TMTC3: variants seen among roughly 807,000 people sequenced by gnomAD.
The protein encoded by TMTC3 is protein O-mannosyl-transferase TMTC3.
A neutral mutation model predicts 92.2 loss-of-function variants in TMTC3; 52 were observed. The observed-to-expected ratio is 0.56, with a 90% confidence interval of 0.45 to 0.71. The LOEUF (loss-of-function observed/expected upper bound fraction) is 0.71, where lower values mean the gene tolerates loss of function less well. TMTC3 is among the 30% of genes least tolerant of loss of function. The probability of loss-of-function intolerance (pLI) is 0.00; values close to 1 mark genes in which losing one functional copy is unlikely to be tolerated. For synonymous variants in TMTC3, 339 were observed against 363.3 expected, an observed-to-expected ratio of 0.93 and a Z score of 0.76; for missense variants, 896 against 1,057.1, an observed-to-expected ratio of 0.85 and a Z score of 2.11.
rs1176757647 is a variant in TMTC3, at chr12:88,195,261, A to G, written c.2357A>G (p.Asp786Gly). 6.2e-7 allele frequency: 1 copy of G among 1,613,894 alleles called. No individual in the cohort carries two copies. The highest frequency in any genetic ancestry group is 8.5e-7 in the Non-Finnish European group (1 of 1,179,914). The change falls in exon 14 of 14, where the codon GAC becomes GGC. Residue 786 changes from aspartate to glycine, a missense_variant. Coordinates refer to ENST00000266712, the MANE Select transcript of TMTC3 (RefSeq NM_181783.4). ...TGTGTTGTTTATTTTGAAGAAAAAG[A>G]CTTATTAAAAGCTGAAAGATGCCTT... ...NLCVVYFEEK[D>G]LLKAERCLLE...
At chr12:88,143,417 C>T (rs932051589) in intron 1 of TMTC3, among the ~76,000 whole-genome samples, 5 of 152,146 alleles carry the variant, frequency 3.3e-5, no homozygotes, top group African/African-American at 1.2e-4. Flanking sequence ...TTCTTCCTTA[C>T]AATCCAGTGA....
intron 12 of TMTC3, among the ~76,000 whole-genome samples, chr12:88,192,014 C>CTTTTTTT (rs375857927): frequency 5.3e-5 from 6 of 112,242 alleles, no homozygotes; most frequent in African/African-American, 1.3e-4. Flanking sequence ...CAGCATTTTT[C>CTTTTTTT]TTTTTTTTTT....
At chr12:88,154,683 G>C (rs2040984592) in intron 4 of TMTC3, among the ~76,000 whole-genome samples, 1 of 152,076 alleles carries the variant, frequency 6.6e-6, no homozygotes, top group African/African-American at 2.4e-5. Flanking sequence ...TCCATCTTCT[G>C]TTATCTATTA....
chr12:88,172,375 CT>C (rs1352016348), intron 7 of TMTC3, among the ~76,000 whole-genome samples: 1 of 151,760 alleles, frequency 6.6e-6, no homozygotes, highest in Non-Finnish European at 1.5e-5. Flanking sequence ...TCCATTTCAC[CT>C]TGCTTACGTA....
chr12:88,197,018 G>C lies in TMTC3; in HGVS notation c.*1369G>C, dbSNP rs1004080259. 3 of 151,976 alleles carry C rather than the reference G, an allele frequency of 2.0e-5. No individual in the cohort carries two copies. Among genetic ancestry groups the C allele is most frequent in the Non-Finnish European group, 4.4e-5 (3 of 67,742 alleles). The allele number at this position is 151,976 out of a possible 1,614,324, so 9.4% of individuals were successfully genotyped here. On this transcript the variant is annotated 3_prime_UTR_variant, in exon 14 of 14. Transcript: ENST00000266712. ...AATGAGCTTTATAATACCTTAAAAAGTTGGTTCTAATTTAAAATATGAAAG... is the reference window on the plus strand; with the variant it reads ...AATGAGCTTTATAATACCTTAAAAACTTGGTTCTAATTTAAAATATGAAAG...
rs2041496170 is a variant in TMTC3, at chr12:88,195,224, A to G, written c.2320A>G (p.Lys774Glu). Residue 774 changes from lysine to glutamate, a missense_variant, in exon 14 of 14, where the codon AAA becomes GAA. Physicochemically the swap from Lys to Glu is moderately conservative, Grantham distance 56. Transcript: ENST00000266712. ...LEMDPSNVQG[K>E]HNLCVVYFEE... ...GATGGATCCAAGCAATGTGCAAGGA[A>G]AACACAATCTTTGTGTTGTTTATTT... The G allele has an allele frequency of 1.2e-6, 2 of 1,613,910 alleles. No homozygotes were observed. Among genetic ancestry groups the G allele is most frequent in the African/African-American group, 1.3e-5 (1 of 75,066 alleles).
At chr12:88,164,189 CAAAAAAAAAAAA>C (rs1008391943) in intron 6 of TMTC3, among the ~76,000 whole-genome samples, 2 of 48,796 alleles carry the variant, frequency 4.1e-5, no homozygotes. Context: ...GACTTTGTCT[CAAAAAAAAAAAA>C]AAAAAAAAAA....
chr12:88,153,607 A>G, intron 3 of TMTC3, 98 bp downstream of exon 3: 1 of 611,298 alleles, frequency 1.6e-6, no homozygotes. Context: ...AAAAAAAATT[A>G]ACCCTGACTT....
intron 10 of TMTC3, among the ~76,000 whole-genome samples, chr12:88,177,672 C>T (rs931645153): frequency 1.3e-5 from 2 of 152,084 alleles, no homozygotes; most frequent in African/African-American, 4.8e-5. Flanking sequence ...CTAGACATGG[C>T]CCCCCATCCA....
intron 4 of TMTC3, among the ~76,000 whole-genome samples, chr12:88,155,226 T>G (rs1306252957): frequency 6.6e-6 from 1 of 152,200 alleles, no homozygotes; most frequent in Non-Finnish European, 1.5e-5. Flanking sequence ...GCTCCACTGT[T>G]TATTTACTAG....
chr12:88,178,835 C>T (rs2041286953), intron 10 of TMTC3, among the ~76,000 whole-genome samples: 1 of 152,122 alleles, frequency 6.6e-6, no homozygotes, highest in Non-Finnish European at 1.5e-5. Flanking sequence ...TTTCTTGTTT[C>T]TAAAATGGGA....
At chr12:88,172,911 A>G (rs575955843) in intron 8 of TMTC3, 166 bp downstream of exon 8, 22 of 1,505,522 alleles carry the variant, frequency 1.5e-5, no homozygotes, top group East Asian at 1.3e-4. Flanking sequence ...GGAAAGCTCC[A>G]TGGCACCTAC....
At chr12:88,190,959 C>T (rs557155124) in intron 12 of TMTC3, among the ~76,000 whole-genome samples, 1 of 152,022 alleles carries the variant, frequency 6.6e-6, no homozygotes, top group Non-Finnish European at 1.5e-5. Flanking sequence ...ATAATAGTTA[C>T]TTCTAATATC....
In TMTC3 at chr12:88,158,490, A is replaced by AT. The variant is rs879744424; in HGVS notation, c.509-1613dup. On this transcript the variant is annotated intron_variant, in intron 4 of 13. Transcript: ENST00000266712. The stretch of plus-strand genomic sequence containing the variant: ...TGTTTTGGCCTAATGAGATTATAAG[A>AT]TTTTTTTTTTTAAGGAAAGAGTATT... 4.4e-4 allele frequency among the ~76,000 whole-genome samples: 65 copies of AT among 147,072 alleles called. 1 individual carries two copies. In the South Asian group the frequency reaches 4.7e-3, roughly 11 times the overall value.
intron 7 of TMTC3, among the ~76,000 whole-genome samples, chr12:88,169,032 T>C (rs1017335893): frequency 6.6e-6 from 1 of 152,184 alleles, no homozygotes; most frequent in African/African-American, 2.4e-5. Context: ...GAAATTCTTG[T>C]TTTATGGCTT....
At chr12:88,155,650 A>G (rs2138372024) in intron 4 of TMTC3, among the ~76,000 whole-genome samples, 1 of 152,242 alleles carries the variant, frequency 6.6e-6, no homozygotes, top group South Asian at 2.1e-4. Flanking sequence ...ACTATTCTAT[A>G]TTATCAGGCC....
chr12:88,182,929 A>G (rs913713764), intron 10 of TMTC3, among the ~76,000 whole-genome samples: 1 of 152,182 alleles, frequency 6.6e-6, no homozygotes, highest in Non-Finnish European at 1.5e-5. Flanking sequence ...CATAATGACT[A>G]CAGGCCAATC....
At chr12:88,168,876 A>AAATT (rs2041174982) in intron 7 of TMTC3, among the ~76,000 whole-genome samples, 1 of 152,226 alleles carries the variant, frequency 6.6e-6, no homozygotes, top group African/African-American at 2.4e-5. Flanking sequence ...AGTGGTTAAT[A>AAATT]AATTAGAGAA....
At chr12:88,160,354 T>C in intron 5 of TMTC3, 125 bp downstream of exon 5, 1 of 595,604 alleles carries the variant, frequency 1.7e-6, no homozygotes, top group Non-Finnish European at 2.7e-6. Context: ...CCAATAATAA[T>C]ACCAGAAATC....
Sources: allele counts gnomAD v4.1 joint callset (sites outside exome capture counted in the v4.1 genomes callset), GRCh38; gene constraint gnomAD v4.1.1; transcripts MANE v1.5; gene names NCBI Gene and HGNC (gene_info 2026-07-23, HGNC 2026-07-21).